The following SYTL4 variants were observed in gnomAD, a reference collection of about 807,000 sequenced individuals.
SYTL4 encodes the protein synaptotagmin like 4, also known as synaptotagmin-like protein 4.
SYTL4 carries 16 observed loss-of-function variants against 52.7 expected under a neutral mutation model. That is an observed-to-expected ratio of 0.30 (90% CI 0.21 to 0.46). SYTL4 has a LOEUF of 0.46. Ranked by LOEUF, SYTL4 falls within the 20% of genes least tolerant of loss-of-function variation. The pLI, the probability that SYTL4 is intolerant of heterozygous loss-of-function variation, is 1.00. For synonymous variants in SYTL4, 160 were observed against 186.6 expected, an observed-to-expected ratio of 0.86 and a Z score of 1.16; for missense variants, 423 against 519.9, an observed-to-expected ratio of 0.81 and a Z score of 1.81.
intron 2 of SYTL4, among the ~76,000 whole-genome samples, chrX:100,725,596 A>T (rs2084500853): frequency 8.9e-6 from 1 of 112,651 alleles, no homozygotes; most frequent in Non-Finnish European, 1.9e-5. Context: ...ACTTCACAGA[A>T]CTTATCACAA....
chrX:100,687,405 G>A, intron 13 of SYTL4, 160 bp from the exon 14 acceptor site: 1 of 452,981 alleles, frequency 2.2e-6, no homozygotes, highest in Non-Finnish European at 3.7e-6. Flanking sequence ...GAGGGTAAGA[G>A]AGAACTACCA....
rs761100934 is a variant in SYTL4 at position 100,689,189 on chromosome X, ACAGTGAGACTCC to A, written c.912+655_912+666del. ...GGAGTTCAAGACCAGGCTGGGAAAT[ACAGTGAGACTCC>A]CATCTCTCAAAAAAAAAAAAAAAAT... On this transcript the variant is annotated intron_variant, in intron 12 of 19. Transcript: ENST00000372989. Among the ~76,000 whole-genome samples, 44 of 102,848 alleles carry A rather than the reference ACAGTGAGACTCC, an allele frequency of 4.3e-4. No individual in the cohort carries two copies. The South Asian group carries it at 0.021, about 48-fold the overall frequency. The allele number at this position is 102,848 out of a possible 115,157, so 89.3% of individuals were successfully genotyped here.
chrX:100,710,350 A>G (rs1359174328), intron 2 of SYTL4, among the ~76,000 whole-genome samples: 2 of 111,982 alleles, frequency 1.8e-5, no homozygotes, highest in African/African-American at 6.5e-5. Flanking sequence ...AAACTGATCA[A>G]TGAGTTTTAT....
At chrX:100,684,639 A>G (rs1445628837) in intron 16 of SYTL4, 1 of 110,986 alleles carries the variant, frequency 9.0e-6, no homozygotes, top group Non-Finnish European at 1.9e-5. Flanking sequence ...AGAAAAAAAT[A>G]CATATAAATA....
intron 2 of SYTL4, among the ~76,000 whole-genome samples, chrX:100,724,131 C>G (rs866501454): frequency 1.7e-5 from 1 of 60,139 alleles, no homozygotes. Flanking sequence ...CCGCCCCGTC[C>G]GGGAGGGAGG....
intron 2 of SYTL4, among the ~76,000 whole-genome samples, chrX:100,711,483 C>G (rs956552101): frequency 3.6e-5 from 4 of 111,477 alleles, no homozygotes; most frequent in African/African-American, 1.3e-4. Flanking sequence ...AGACTCAAAT[C>G]AAACCTATGG....
rs747634215 is a variant in SYTL4 at position 100,701,623 on chromosome X, C to T, written c.161G>A (p.Gly54Asp). 8.3e-7 allele frequency: 1 copy of T among 1,211,602 alleles called. No individual in the cohort carries two copies. The highest frequency in any genetic ancestry group is 1.1e-6 in the Non-Finnish European group (1 of 895,487). ...GGTCCGATCACTGTAGTGTTGGCTG[C>T]CCCTCTTGGCCCCTTTCCTTTTTAT... The part of the protein sequence containing the change: ...LEIKRKGAKR[G>D]SQHYSDRTCA... Residue 54 changes from glycine to aspartate, a missense_variant, in exon 6 of 20, where the codon GGC (glycine) becomes GAC (aspartate). Physicochemically the swap from Gly to Asp is moderately conservative, Grantham distance 94. Transcript: ENST00000372989.
chrX:100,724,142 T>TG lies in SYTL4; in HGVS notation c.-240+7275dup, dbSNP rs754110745. Among the ~76,000 whole-genome samples, 66 of 57,156 alleles carry TG rather than the reference T, an allele frequency of 1.2e-3. 1 individual carries two copies. Among genetic ancestry groups the TG allele is most frequent in the African/African-American group, 4.5e-3 (62 of 13,654 alleles). The allele number at this position is 57,156 out of a possible 115,157, so 49.6% of individuals were successfully genotyped here. ...CCAGCCGCCCCGTCCGGGAGGGAGG[T>TG]GGGGGGGGTCAGCCCCCCACACGGC... On this transcript the variant is annotated intron_variant, in intron 2 of 19. Transcript: ENST00000372989.
chrX:100,721,250 G>C (rs1466961494), intron 2 of SYTL4, among the ~76,000 whole-genome samples: 2 of 111,019 alleles, frequency 1.8e-5, no homozygotes, highest in Non-Finnish European at 1.9e-5. Flanking sequence ...AGTATAACTT[G>C]AGATAAAGCA....
Position 100,678,475 on chromosome X carries a change from T to C in SYTL4, c.1783A>G (p.Met595Val), listed in dbSNP as rs763242388. Residue 595 changes from methionine (M) to valine (V), a missense_variant, in exon 19 of 20, where the codon ATG (methionine) becomes GTG (valine). Physicochemically the swap from Met to Val is conservative, Grantham distance 21 (BLOSUM62 1). Coordinates refer to ENST00000372989, the MANE Select transcript of SYTL4 (RefSeq NM_001370165.1). ...TCCCACACAGTCAGTTCCAGGCACA[T>C]ATGCTGTAGATCTTCCAGCCTCACA... Reference protein sequence around the residue: ...NGVRLEDLQHMCLELTVWDRE... With the variant: ...NGVRLEDLQHVCLELTVWDRE... The C allele has an allele frequency of 8.3e-6, 10 of 1,209,091 alleles. No homozygotes were observed. Among genetic ancestry groups the C allele is most frequent in the Non-Finnish European group, 7.8e-6 (7 of 894,622 alleles).
intron 12 of SYTL4, 92 bp from the exon 13 acceptor site, chrX:100,688,535 C>A (rs2083517943): frequency 4.1e-6 from 3 of 737,641 alleles, no homozygotes; most frequent in Non-Finnish European, 5.8e-6. Context: ...CTCCAAGTTG[C>A]CATGTGTATG....
In SYTL4 at chrX:100,679,353, C is replaced by A; in HGVS notation, c.1618G>T (p.Ala540Ser). 8.3e-7 allele frequency: 1 copy of A among 1,211,365 alleles called. No homozygotes were observed. Among genetic ancestry groups the A allele is most frequent in the Non-Finnish European group, 1.1e-6 (1 of 895,214 alleles). Residue 540 changes from alanine to serine, a missense_variant, in exon 18 of 20, where the codon GCT (alanine) becomes TCT (serine). Coordinates refer to ENST00000372989, the MANE Select transcript of SYTL4 (RefSeq NM_001370165.1). ...VWIKEAKNLT[A>S]AKAGGTSDSF... ...TCTGAAGTCCCTCCTGCTTTGGCAG[C>A]CGTCAAGTTCTTGGCTTCTTTGATC...
At chrX:100,716,149 A>G (rs2084202689) in intron 2 of SYTL4, among the ~76,000 whole-genome samples, 1 of 108,603 alleles carries the variant, frequency 9.2e-6, no homozygotes, top group African/African-American at 3.4e-5. Context: ...TGATAATCTA[A>G]AGGTAAAAGA....
chrX:100,698,169 C>A (rs1202084704), intron 8 of SYTL4, among the ~76,000 whole-genome samples: 1 of 110,797 alleles, frequency 9.0e-6, no homozygotes, highest in Non-Finnish European at 1.9e-5. Flanking sequence ...GTGGAGCAAT[C>A]TTGGCTCAGT....
intron 13 of SYTL4, 48 bp from the exon 14 acceptor site, chrX:100,687,293 C>T (rs767917506): frequency 9.2e-7 from 1 of 1,081,156 alleles, no homozygotes; most frequent in Non-Finnish European, 1.3e-6. Flanking sequence ...CACTCCCCCG[C>T]CCGCATTGCT....
At chrX:100,690,712 T>A (rs1432238345) in intron 9 of SYTL4, 74 bp from the exon 10 acceptor site, 1 of 815,301 alleles carries the variant, frequency 1.2e-6, no homozygotes, top group African/African-American at 2.1e-5. Context: ...CAAAGCTCTA[T>A]GGAAGGAGAG....
intron 8 of SYTL4, among the ~76,000 whole-genome samples, 178 bp from the exon 9 acceptor site, chrX:100,691,387 A>T (rs909103962): frequency 1.8e-5 from 2 of 112,112 alleles, no homozygotes; most frequent in Non-Finnish European, 3.8e-5. Context: ...AATGTTGCCC[A>T]GGCTGGAGTA....
chrX:100,695,938 T>A (rs1316819882), intron 8 of SYTL4, among the ~76,000 whole-genome samples: 3 of 111,988 alleles, frequency 2.7e-5, no homozygotes, highest in African/African-American at 9.7e-5. Context: ...AACAGAACCA[T>A]ACAGTATGTA....
intron 13 of SYTL4, chrX:100,687,575 T>C (rs1292632892): frequency 4.2e-6 from 1 of 240,333 alleles, no homozygotes; most frequent in African/African-American, 2.8e-5. Flanking sequence ...ATCTGGGGAA[T>C]GTGTTATATA....
Sources: gnomAD v4.1 joint callset for allele counts (sites outside exome capture counted in the v4.1 genomes callset) on GRCh38, gnomAD v4.1.1 for gene constraint, MANE v1.5 for transcripts, NCBI Gene and HGNC (gene_info 2026-07-23, HGNC 2026-07-21) for gene names.